PTPN9: variants seen among roughly 807,000 people sequenced by gnomAD.
PTPN9 encodes the protein protein tyrosine phosphatase non-receptor type 9.
PTPN9 carries 26 observed loss-of-function variants against 69.8 expected under a neutral mutation model. The ratio of observed to expected loss-of-function variants is 0.37; its 90% CI spans 0.27 to 0.52. PTPN9 has a LOEUF of 0.52. PTPN9 is among the 20% of genes least tolerant of loss of function. PTPN9 has a pLI of 0.91. For synonymous variants in PTPN9, 274 were observed against 272.5 expected (o/e 1.01, Z -0.05); for missense variants, 549 against 740.3 (o/e 0.74, Z 3.00).
chr15:75,499,693 C>G (rs1237462793), intron 7 of PTPN9, among the ~76,000 whole-genome samples: 1 of 151,912 alleles, frequency 6.6e-6, no homozygotes, highest in African/African-American at 2.4e-5. Flanking sequence ...CGTGAGCCAC[C>G]GCGCCCAGCC....
At chr15:75,578,061 G>C (rs2075181717) in intron 1 of PTPN9, among the ~76,000 whole-genome samples, 2 of 152,200 alleles carry the variant, frequency 1.3e-5, no homozygotes, top group Admixed American at 6.5e-5. Flanking sequence ...CAGAAAGATG[G>C]AGACAGTCAG....
chr15:75,519,080 A>G (rs2074887882), intron 4 of PTPN9, among the ~76,000 whole-genome samples: 1 of 152,140 alleles, frequency 6.6e-6, no homozygotes, highest in Admixed American at 6.6e-5. Context: ...TTGGCACAAA[A>G]CTCATTCCTG....
At chr15:75,488,958 G>A (rs886694065) in intron 8 of PTPN9, among the ~76,000 whole-genome samples, 38 of 151,964 alleles carry the variant, frequency 2.5e-4, no homozygotes, top group African/African-American at 9.2e-4. Context: ...GGCGGATCAC[G>A]AGGTCAGGAG....
rs1405078033 is a variant in PTPN9 at position 75,574,687 on chromosome 15, T to A, written c.63+4027A>T. Among the ~76,000 whole-genome samples, 5 of 152,054 alleles carry A rather than the reference T, an allele frequency of 3.3e-5. No individual in the cohort carries two copies. The East Asian group carries it at 9.7e-4, about 29-fold the overall frequency. ...CAGGCGCGGTGGCTCACGCCTGTAA[T>A]CCCAGCACTTTGGGAGGCTGAGGTG... On this transcript the variant is annotated intron_variant, in intron 1 of 12. Transcript: ENST00000618819.
Position 75,517,410 on chromosome 15 carries a change from G to A in PTPN9, c.423-46C>T, listed in dbSNP as rs375557931. On this transcript the variant is annotated intron_variant, in intron 4 of 12. Transcript: ENST00000618819. ...AAAAACATTTGTAAGTAAGCAGATG[G>A]ATGAGGCAGGTTGAAAGCCTAATGC... is the stretch of plus-strand genomic sequence containing the variant. 3.3e-6 allele frequency: 5 copies of A among 1,509,026 alleles called. No individual in the cohort carries two copies. The African/African-American group carries it at 6.9e-5, about 21-fold the overall frequency. 93.5% of individuals were successfully genotyped at this position (1,509,026 alleles called of 1,614,324 possible). A position where few individuals can be genotyped will look rare whatever the true frequency, so the allele number is the denominator to read the frequency against.
intron 1 of PTPN9, among the ~76,000 whole-genome samples, chr15:75,544,474 G>C (rs1321551256): frequency 6.6e-6 from 1 of 152,154 alleles, no homozygotes; most frequent in Non-Finnish European, 1.5e-5. Flanking sequence ...AGTCTACAGT[G>C]AGCTGTGATG....
intron 1 of PTPN9, among the ~76,000 whole-genome samples, chr15:75,573,909 A>G (rs1275271138): frequency 6.6e-6 from 1 of 152,212 alleles, no homozygotes. Context: ...AGGCCTTCCA[A>G]GGAGGTGAAA....
At chr15:75,541,554 G>A (rs147360484) in intron 1 of PTPN9, among the ~76,000 whole-genome samples, 2,611 of 150,548 alleles carry the variant, frequency 0.017, 76 homozygotes, top group African/African-American at 0.06. Flanking sequence ...CTACAGGTGC[G>A]CGCCACCATG....
chr15:75,560,533 C>T (rs549463588), intron 1 of PTPN9, among the ~76,000 whole-genome samples: 1 of 152,054 alleles, frequency 6.6e-6, no homozygotes, highest in East Asian at 1.9e-4. Flanking sequence ...TTCATGATTC[C>T]AAGAAAAAAA....
intron 9 of PTPN9, among the ~76,000 whole-genome samples, chr15:75,478,670 T>C (rs1188882711): frequency 6.6e-6 from 1 of 152,258 alleles, no homozygotes; most frequent in African/African-American, 2.4e-5. Flanking sequence ...TCTTATAGTA[T>C]GTCCCACAAT....
At chr15:75,470,214 A>G (rs2074556761) in intron 11 of PTPN9, among the ~76,000 whole-genome samples, 1 of 152,014 alleles carries the variant, frequency 6.6e-6, no homozygotes, top group African/African-American at 2.4e-5. Flanking sequence ...AAGATCCAGA[A>G]TTTTTTTTGA....
At chr15:75,512,212 C>CT (rs534426395) in intron 5 of PTPN9, among the ~76,000 whole-genome samples, 113 of 144,038 alleles carry the variant, frequency 7.8e-4, no homozygotes, top group Admixed American at 2.1e-3. Flanking sequence ...TATGAATATT[C>CT]TTTTTTTTTT....
intron 1 of PTPN9, among the ~76,000 whole-genome samples, chr15:75,535,537 G>A (rs1012832176): frequency 6.6e-6 from 1 of 152,094 alleles, no homozygotes; most frequent in African/African-American, 2.4e-5. Flanking sequence ...CAGGTGTTGT[G>A]CAGAACAAAC....
Position 75,578,812 on chromosome 15 carries a change from T to G in PTPN9, c.-36A>C, listed in dbSNP as rs565981250. 6 of 1,207,100 alleles carry G rather than the reference T, an allele frequency of 5.0e-6. No individual in the cohort carries two copies. In the South Asian group the frequency reaches 1.1e-4, roughly 22 times the overall value. 74.8% of individuals were successfully genotyped at this position (1,207,100 alleles called of 1,614,324 possible). On this transcript the variant is annotated 5_prime_UTR_variant, in exon 1 of 13. Coordinates refer to ENST00000618819, the MANE Select transcript of PTPN9 (RefSeq NM_002833.4). ...CCGCCGCCGGGCGGACAAAACTCGC[T>G]CGCGAGCGCGGGAGCCCGGCGCGCT... is the stretch of plus-strand genomic sequence containing the variant.
chr15:75,523,362 T>C, intron 3 of PTPN9, 117 bp from the exon 4 acceptor site: 1 of 1,143,942 alleles, frequency 8.7e-7, no homozygotes, highest in Non-Finnish European at 1.2e-6. Context: ...CTAACAATAA[T>C]TCCCTGACTT....
chr15:75,522,861 A>G (rs2074911281), intron 4 of PTPN9, among the ~76,000 whole-genome samples: 1 of 152,166 alleles, frequency 6.6e-6, no homozygotes, highest in South Asian at 2.1e-4. Context: ...AGTTTTCCAT[A>G]CACTGAAGAT....
At chr15:75,527,292 T>C (rs779973681) in intron 1 of PTPN9, 31 bp from the exon 2 acceptor site, 2 of 1,610,866 alleles carry the variant, frequency 1.2e-6, no homozygotes, top group Admixed American at 1.7e-5. Flanking sequence ...GAATAATTAG[T>C]AAGAAGAGAG....
intron 9 of PTPN9, among the ~76,000 whole-genome samples, chr15:75,475,106 C>A (rs997629612): frequency 6.6e-6 from 1 of 152,168 alleles, no homozygotes; most frequent in Non-Finnish European, 1.5e-5. Flanking sequence ...CTCTTCCATC[C>A]ATTATTTTAC....
At chr15:75,503,885 G>A (rs1403192304) in intron 7 of PTPN9, among the ~76,000 whole-genome samples, 6 of 113,376 alleles carry the variant, frequency 5.3e-5, no homozygotes, top group African/African-American at 1.4e-4. Flanking sequence ...CCGGCCAGCC[G>A]CCCCGTCCGG....
Sources: allele counts gnomAD v4.1 joint callset (sites outside exome capture counted in the v4.1 genomes callset), GRCh38; gene constraint gnomAD v4.1.1; transcripts MANE v1.5; gene names NCBI Gene and HGNC (gene_info 2026-07-23, HGNC 2026-07-21).